The following TFDP2 variants were observed in gnomAD, a reference collection of about 807,000 sequenced individuals.
TFDP2 encodes the protein transcription factor Dp-2.
TFDP2 carries 17 observed loss-of-function variants against 59.3 expected under a neutral mutation model. The observed-to-expected ratio is 0.29, with a 90% CI of 0.20 to 0.43. The LOEUF (loss-of-function observed/expected upper bound fraction) is 0.43, where lower values mean the gene tolerates loss of function less well. Ranked by LOEUF, TFDP2 falls within the 20% of genes least tolerant of loss-of-function variation. TFDP2 has a pLI of 1.00. For missense variants in TFDP2, 391 were observed against 528.8 expected (o/e 0.74, Z 2.56); for synonymous variants, 180 against 194.7 (o/e 0.92, Z 0.63).
At chr3:141,976,109 G>C (rs910092587) in intron 7 of TFDP2, among the ~76,000 whole-genome samples, 2 of 152,134 alleles carry the variant, frequency 1.3e-5, no homozygotes, top group African/African-American at 4.8e-5. Context: ...TCCAACTCCT[G>C]ACAGTGTGAT....
intron 3 of TFDP2, among the ~76,000 whole-genome samples, chr3:142,034,576 C>T (rs892198409): frequency 6.6e-6 from 1 of 152,212 alleles, no homozygotes; most frequent in African/African-American, 2.4e-5. Context: ...CTCAAATGAA[C>T]TGCATTGTCT....
At chr3:142,009,849 G>T (rs902452137) in intron 3 of TFDP2, among the ~76,000 whole-genome samples, 1 of 151,830 alleles carries the variant, frequency 6.6e-6, no homozygotes, top group Non-Finnish European at 1.5e-5. Context: ...TGAGACAAGA[G>T]ACTATCCATT....
At chr3:142,036,845 T>C (rs908259739) in intron 3 of TFDP2, among the ~76,000 whole-genome samples, 1 of 152,160 alleles carries the variant, frequency 6.6e-6, no homozygotes, top group African/African-American at 2.4e-5. Flanking sequence ...CTCTGTCATG[T>C]TTTCCCAAAC....
At chr3:141,973,148 T>C (rs1940096492) in intron 8 of TFDP2, among the ~76,000 whole-genome samples, 1 of 147,352 alleles carries the variant, frequency 6.8e-6, no homozygotes, top group Admixed American at 6.9e-5. Context: ...AGATGGAGTC[T>C]TGCTCTTGTC....
At chr3:142,079,282 GAC>G (rs1189608076) in intron 3 of TFDP2, among the ~76,000 whole-genome samples, 1 of 151,930 alleles carries the variant, frequency 6.6e-6, no homozygotes, top group Non-Finnish European at 1.5e-5. Context: ...CAGCCTAGGT[GAC>G]AGGGCGAGAC....
chr3:142,055,941 CTTTTTTTTT>C (rs529693273), intron 3 of TFDP2, among the ~76,000 whole-genome samples: 2 of 70,210 alleles, frequency 2.8e-5, no homozygotes, highest in Non-Finnish European at 4.7e-5. Flanking sequence ...TATTAAGTAC[CTTTTTTTTT>C]TTTTTTTTTT....
At chr3:141,960,709 T>C (rs2107884403) in intron 10 of TFDP2, among the ~76,000 whole-genome samples, 2 of 152,022 alleles carry the variant, frequency 1.3e-5, no homozygotes, top group South Asian at 4.1e-4. Flanking sequence ...ATTTAAGTAA[T>C]CTAAAGTATA....
intron 2 of TFDP2, among the ~76,000 whole-genome samples, chr3:142,099,778 C>T (rs1245345836): frequency 6.6e-6 from 1 of 151,836 alleles, no homozygotes; most frequent in Non-Finnish European, 1.5e-5. Flanking sequence ...AGTCACTTAT[C>T]AAATCGCCTA....
chr3:142,011,590 T>TAA (rs386398107), intron 3 of TFDP2, among the ~76,000 whole-genome samples: 65 of 63,886 alleles, frequency 1.0e-3, no homozygotes, highest in Admixed American at 2.4e-3. Flanking sequence ...TAAAGTATAA[T>TAA]AAAAAAAAAA....
intron 9 of TFDP2, among the ~76,000 whole-genome samples, chr3:141,966,298 G>A (rs1457399507): frequency 3.3e-5 from 5 of 151,614 alleles, no homozygotes; most frequent in South Asian, 2.1e-4. Context: ...TCAGCCTCCC[G>A]AGTAGCCGGG....
At chr3:141,952,851 C>T (rs781052379) in intron 12 of TFDP2, 60 bp downstream of exon 12, 17 of 1,570,834 alleles carry the variant, frequency 1.1e-5, no homozygotes, top group Non-Finnish European at 1.3e-5. Context: ...CCCGGCTCAC[C>T]CCTACACAGA....
chr3:142,145,647 G>A (rs1219309110), intron 1 of TFDP2: 1 of 152,046 alleles, frequency 6.6e-6, no homozygotes, highest in Admixed American at 6.6e-5. Flanking sequence ...GCTGGAGAAG[G>A]AGAATTGCTT....
intron 3 of TFDP2, among the ~76,000 whole-genome samples, chr3:142,010,116 G>A (rs1944541852): frequency 6.6e-6 from 1 of 152,128 alleles, no homozygotes; most frequent in African/African-American, 2.4e-5. Context: ...AATATACTTA[G>A]AAGACAAATG....
intron 3 of TFDP2, among the ~76,000 whole-genome samples, chr3:142,080,908 T>G (rs1478109687): frequency 6.6e-6 from 1 of 152,178 alleles, no homozygotes; most frequent in Non-Finnish European, 1.5e-5. Flanking sequence ...ATATCCCACT[T>G]TGAGCAATGA....
At chr3:141,963,702 C>G (rs1323525172) in intron 10 of TFDP2, 110 bp downstream of exon 10, 1 of 1,320,096 alleles carries the variant, frequency 7.6e-7, no homozygotes, top group Non-Finnish European at 1.0e-6. Flanking sequence ...CCCAAGGAAG[C>G]CAGCCTTTGA....
At chr3:142,089,832 A>G (rs148892079) in intron 3 of TFDP2, among the ~76,000 whole-genome samples, 19 of 152,244 alleles carry the variant, frequency 1.2e-4, no homozygotes, top group African/African-American at 3.4e-4. Flanking sequence ...ATAGACAACT[A>G]TAATACTTAC....
intron 1 of TFDP2, among the ~76,000 whole-genome samples, chr3:142,127,854 T>C (rs1372295914): frequency 6.6e-6 from 1 of 152,210 alleles, no homozygotes; most frequent in Non-Finnish European, 1.5e-5. Context: ...GGGCTGTTAA[T>C]AAAAAGACTT....
At chr3:142,008,712 T>C (rs1944408376) in intron 3 of TFDP2, among the ~76,000 whole-genome samples, 1 of 152,110 alleles carries the variant, frequency 6.6e-6, no homozygotes, top group Non-Finnish European at 1.5e-5. Context: ...TGTACATATA[T>C]ACATACGCAT....
chr3:141,977,558 T>C (rs557954917), intron 7 of TFDP2, among the ~76,000 whole-genome samples: 23 of 152,252 alleles, frequency 1.5e-4, no homozygotes, highest in African/African-American at 5.3e-4. Flanking sequence ...CACCACTGTA[T>C]TCCATTTATT....
Sources: gnomAD v4.1 joint callset for allele counts (sites outside exome capture counted in the v4.1 genomes callset) on GRCh38, gnomAD v4.1.1 for gene constraint, MANE v1.5 for transcripts, NCBI Gene and HGNC (gene_info 2026-07-23, HGNC 2026-07-21) for gene names.